Variants in FAT4 observed in about 807,000 individuals in gnomAD.
FAT4 encodes protocadherin Fat 4.
A neutral mutation model predicts 303.9 loss-of-function variants in FAT4; 84 were observed. The observed-to-expected ratio is 0.28, with a 90% CI of 0.23 to 0.33. FAT4 has a LOEUF of 0.33. Ranked by LOEUF, FAT4 falls within the 10% of genes least tolerant of loss-of-function variation. The probability of loss-of-function intolerance (pLI) is 1.00; values close to 1 mark genes in which losing one functional copy is unlikely to be tolerated. For synonymous variants in FAT4, 2,307 were observed against 2,298.8 expected (o/e 1.00, Z -0.10); for missense variants, 6,005 against 6,146.8 (o/e 0.98, Z 0.77).
In FAT4 at chr4:125,478,880, G is replaced by A. The variant is rs369574379; in HGVS notation, c.12480-861G>A. Among the ~76,000 whole-genome samples the A allele has an allele frequency of 3.4e-4, 52 of 152,016 alleles. 1 individual carries two copies. Among genetic ancestry groups the A allele is most frequent in the African/African-American group, 1.1e-3 (45 of 41,406 alleles). ...TTAACTTTTCACTTCTTGGCTCAAAGTGCTTCAATAGCTTCCCATCTCACC... is the reference window on the plus strand; with the variant it reads ...TTAACTTTTCACTTCTTGGCTCAAAATGCTTCAATAGCTTCCCATCTCACC... On this transcript the variant is annotated intron_variant, in intron 14 of 17. Transcript: ENST00000394329.
chr4:125,445,365 T>C (rs974126378), intron 8 of FAT4, among the ~76,000 whole-genome samples: 7 of 152,150 alleles, frequency 4.6e-5, no homozygotes, highest in African/African-American at 1.7e-4. Context: ...ATATTAGATA[T>C]ATGCTGTTGC....
Position 125,449,361 on chromosome 4 carries a change from C to G in FAT4, c.8351C>G (p.Pro2784Arg), listed in dbSNP as rs199502242. 1 of 1,613,772 alleles carries G rather than the reference C, an allele frequency of 6.2e-7. No homozygotes were observed. The highest frequency in any genetic ancestry group is 1.3e-5 in the African/African-American group (1 of 75,012). The change falls in exon 10 of 18, where the codon CCT becomes CGT. Residue 2784 changes from proline to arginine, a missense_variant. By Grantham distance (103) the Pro-to-Arg change is moderately radical. Transcript: ENST00000394329. Reference sequence around the variant, plus strand: ...TCTCAGATATTTAGTGCCCATGTTCCTGAAAATTCCCCCTTAGGATACACA... The same window carrying G: ...TCTCAGATATTTAGTGCCCATGTTCGTGAAAATTCCCCCTTAGGATACACA... ...RFSQIFSAHV[P>R]ENSPLGYTVT... is the part of the protein sequence containing the mutation.
chr4:125,396,588 A>G (rs1734180373), intron 2 of FAT4, among the ~76,000 whole-genome samples: 1 of 152,078 alleles, frequency 6.6e-6, no homozygotes. Context: ...AAACACACGT[A>G]CATTTTTTCA....
intron 7 of FAT4, among the ~76,000 whole-genome samples, chr4:125,419,451 C>T (rs535813472): frequency 2.6e-5 from 4 of 152,284 alleles, no homozygotes; most frequent in Non-Finnish European, 2.9e-5. Context: ...ACCTCCAAAA[C>T]GACCTCCTTA....
chr4:125,457,689 A>AT (rs1726332853), intron 10 of FAT4, among the ~76,000 whole-genome samples: 1 of 152,058 alleles, frequency 6.6e-6, no homozygotes, highest in South Asian at 2.1e-4. Context: ...GAAAAGATGG[A>AT]TAAAGTTTAT....
At chr4:125,322,179 G>T (rs954050625) in intron 2 of FAT4, among the ~76,000 whole-genome samples, 1 of 152,110 alleles carries the variant, frequency 6.6e-6, no homozygotes, top group Non-Finnish European at 1.5e-5. Context: ...TAACATTTTA[G>T]ACACTGTCTT....
chr4:125,389,198 G>A (rs1733882431), intron 2 of FAT4, among the ~76,000 whole-genome samples: 1 of 151,870 alleles, frequency 6.6e-6, no homozygotes, highest in Non-Finnish European at 1.5e-5. Flanking sequence ...TAAATGCCCA[G>A]ATATCTAAAT....
intron 5 of FAT4, among the ~76,000 whole-genome samples, chr4:125,409,222 C>CG (rs568668045): frequency 9.9e-5 from 15 of 151,580 alleles, no homozygotes; most frequent in African/African-American, 3.4e-4. Context: ...AATGCAAAAA[C>CG]TAAGTTTCAC....
intron 7 of FAT4, among the ~76,000 whole-genome samples, chr4:125,430,914 T>C (rs1214128646): frequency 6.6e-6 from 1 of 152,186 alleles, no homozygotes; most frequent in African/African-American, 2.4e-5. Flanking sequence ...GAAAATCATC[T>C]GGAAAAATAA....
rs188937469 is a variant in FAT4, at chr4:125,458,167, C to T, written c.11800+5357C>T. On this transcript the variant is annotated intron_variant, in intron 10 of 17. Transcript: ENST00000394329. ...TCAGGTGTAGTATTTGGAATAATGC[C>T]GGGGGTTTATTACCTTATGGAGAAG... Among the ~76,000 whole-genome samples the T allele has an allele frequency of 7.0e-4, 106 of 152,006 alleles. 1 individual carries two copies. The highest frequency in any genetic ancestry group is 6.0e-4 in the Non-Finnish European group (41 of 67,888).
chr4:125,316,828 T>C lies in FAT4; in HGVS notation c.417T>C (p.Ser139=), dbSNP rs772884777. 6 of 1,613,908 alleles carry C rather than the reference T, an allele frequency of 3.7e-6. No individual in the cohort carries two copies. In the African/African-American group the frequency reaches 6.7e-5, roughly 18 times the overall value. The change falls in exon 2 of 18, where the codon TCT becomes TCC. Residue 139 remains serine (S), a synonymous_variant. Transcript: ENST00000394329. This position sits in a 1 kb window ranked among gnomAD's most constrained non-coding sequence, Gnocchi z 5.7. ...NDNAPVFPDP[S]IVVTFKEDSS... is the part of the protein sequence containing the mutation. ...ACGCCCCCGTTTTCCCGGACCCCTC[T>C]ATCGTGGTCACTTTCAAGGAAGACA...
chr4:125,479,723 C>T lies in FAT4; in HGVS notation c.12480-18C>T, dbSNP rs774996883. On this transcript the variant is annotated intron_variant, in intron 14 of 17. Transcript: ENST00000394329. ...CATCTTTTATGTGCGTTATTGTTCT[C>T]ATTATGATTTATTTTAGATGCCCTA... 1.3e-5 allele frequency: 20 copies of T among 1,558,626 alleles called. No homozygotes were observed. The Admixed American group carries it at 3.5e-4, about 27-fold the overall frequency.
rs1019279953 is a variant in FAT4 at position 125,318,699 on chromosome 4, T to C, written c.2288T>C (p.Ile763Thr). 1.9e-6 allele frequency: 3 copies of C among 1,614,072 alleles called. No individual in the cohort carries two copies. The highest frequency in any genetic ancestry group is 2.5e-6 in the Non-Finnish European group (3 of 1,179,986). ...GAAAAAACAGCTTATCAGTTGCAAA[T>C]AGTAGCTACTGATGGTGGCAATTTA... is the stretch of plus-strand genomic sequence containing the variant. ...REEKTAYQLQ[I>T]VATDGGNLQS... The change falls in exon 2 of 18, where the codon ATA (isoleucine) becomes ACA (threonine). Residue 763 changes from isoleucine to threonine, a missense_variant. Transcript: ENST00000394329.
At chr4:125,407,948 G>GT (rs1441622603) in intron 4 of FAT4, among the ~76,000 whole-genome samples, 1 of 152,088 alleles carries the variant, frequency 6.6e-6, no homozygotes, top group Non-Finnish European at 1.5e-5. Flanking sequence ...TCTACCTGAA[G>GT]TTTTTTCTTC....
intron 5 of FAT4, among the ~76,000 whole-genome samples, chr4:125,410,778 A>C (rs1399832197): frequency 6.6e-6 from 1 of 152,152 alleles, no homozygotes; most frequent in Non-Finnish European, 1.5e-5. Flanking sequence ...TATTCCATGC[A>C]CATGTAAGCA....
In FAT4 at chr4:125,317,875, G is replaced by C. The variant is rs373169363; in HGVS notation, c.1464G>C (p.Ala488=). 4 of 1,614,156 alleles carry C rather than the reference G, an allele frequency of 2.5e-6. No individual in the cohort carries two copies. Among genetic ancestry groups the C allele is most frequent in the Non-Finnish European group, 1.7e-6 (2 of 1,180,022 alleles). ...QVYRVNLSEE[A]PPGSYVSGIS... ...ACAGAGTGAACCTGAGCGAGGAGGC[G>C]CCTCCGGGAAGCTATGTGAGTGGGA... The change falls in exon 2 of 18, where the codon GCG becomes GCC. Residue 488 remains alanine, a synonymous_variant. Coordinates refer to ENST00000394329, the MANE Select transcript of FAT4 (RefSeq NM_001291303.3). The surrounding 1 kb of genome is among the most constrained non-coding windows in gnomAD (Gnocchi z 7.0).
chr4:125,356,436 TTTTA>T (rs1019891979), intron 2 of FAT4, among the ~76,000 whole-genome samples: 1 of 151,990 alleles, frequency 6.6e-6, no homozygotes, highest in South Asian at 2.1e-4. Context: ...AAATTTGAAG[TTTTA>T]TTTATTTGAC....
chr4:125,326,549 G>A (rs78993295), intron 2 of FAT4, among the ~76,000 whole-genome samples: 9,724 of 152,054 alleles, frequency 0.064, 522 homozygotes, highest in East Asian at 0.19. Flanking sequence ...TTAATAAGTC[G>A]CTTAAGTTCA....
rs1730594193 is a variant in FAT4, at chr4:125,316,483, C to T, written c.72C>T (p.Leu24=). The T allele has an allele frequency of 6.2e-7, 1 of 1,613,948 alleles. No homozygotes were observed. Among genetic ancestry groups the T allele is most frequent in the Non-Finnish European group, 8.5e-7 (1 of 1,180,038 alleles). The part of the protein sequence containing the change: ...LPLHTLSVSQ[L]LRVFWLLSLL... The stretch of plus-strand genomic sequence containing the variant: ...TGCACACTCTATCAGTATCTCAGCT[C>T]CTTCGAGTGTTTTGGCTACTGTCAT... The change falls in exon 2 of 18, where the codon CTC becomes CTT. Residue 24 remains leucine (L), a synonymous_variant. Transcript: ENST00000394329. The surrounding 1 kb of genome is among the most constrained non-coding windows in gnomAD (Gnocchi z 5.7).
Sources: gnomAD v4.1 joint callset for allele counts (sites outside exome capture counted in the v4.1 genomes callset) on GRCh38, gnomAD v4.1.1 for gene constraint, Gnocchi (gnomAD v3.1) non-coding constraint, MANE v1.5 for transcripts, NCBI Gene and HGNC (gene_info 2026-07-23, HGNC 2026-07-21) for gene names.